ASAP1: variants seen among roughly 807,000 people sequenced by gnomAD.
ASAP1 encodes the protein ArfGAP with SH3 domain, ankyrin repeat and PH domain 1.
ASAP1 carries 43 observed loss-of-function variants against 145.2 expected under a neutral mutation model. The observed-to-expected ratio is 0.30, with a 90% CI of 0.23 to 0.38. The LOEUF (loss-of-function observed/expected upper bound fraction) is 0.38. ASAP1 is among the 10% of genes least tolerant of loss of function. ASAP1 has a pLI of 1.00. For missense variants in ASAP1, 1,018 were observed against 1,355.3 expected, an observed-to-expected ratio of 0.75 and a Z score of 3.91; for synonymous variants, 546 against 515.5, an observed-to-expected ratio of 1.06 and a Z score of -0.80.
chr8:130,136,407 T>C (rs1465459732), intron 14 of ASAP1, among the ~76,000 whole-genome samples: 2 of 152,128 alleles, frequency 1.3e-5, no homozygotes, highest in Non-Finnish European at 2.9e-5. Context: ...CAGTTCTGCT[T>C]GGAAGCAAGG....
chr8:130,099,700 T>TTTTTTTTG (rs35874860), intron 24 of ASAP1, among the ~76,000 whole-genome samples: 1 of 125,124 alleles, frequency 8.0e-6, no homozygotes, highest in Non-Finnish European at 1.6e-5. Flanking sequence ...TTTTTTTTTT[T>TTTTTTTTG]GAGACAGAGT....
At chr8:130,126,587 T>C (rs2097575332) in intron 16 of ASAP1, among the ~76,000 whole-genome samples, 1 of 152,220 alleles carries the variant, frequency 6.6e-6, no homozygotes, top group Non-Finnish European at 1.5e-5. Flanking sequence ...TAAGGCCTTT[T>C]TTCTACAACC....
At chr8:130,360,067 A>T (rs999839696) in intron 2 of ASAP1, among the ~76,000 whole-genome samples, 2 of 152,196 alleles carry the variant, frequency 1.3e-5, no homozygotes, top group Non-Finnish European at 2.9e-5. Context: ...CACCTCATTA[A>T]CTCTCAAATA....
chr8:130,435,907 C>T (rs1830295393), intron 1 of ASAP1, among the ~76,000 whole-genome samples: 1 of 152,166 alleles, frequency 6.6e-6, no homozygotes, highest in South Asian at 2.1e-4. Flanking sequence ...CCCATAGAAA[C>T]TTTTCCAGGA....
At chr8:130,443,159 C>G (rs1252008370) in intron 1 of ASAP1, among the ~76,000 whole-genome samples, 1 of 152,028 alleles carries the variant, frequency 6.6e-6, no homozygotes, top group Non-Finnish European at 1.5e-5. Context: ...CAGGGCGGGC[C>G]CCGTCCCCGG....
chr8:130,065,079 T>C (rs2097427854), intron 27 of ASAP1, among the ~76,000 whole-genome samples: 2 of 152,092 alleles, frequency 1.3e-5, no homozygotes, highest in Admixed American at 6.5e-5. Context: ...CAAGGTCTCA[T>C]TATGTTACCC....
At chr8:130,394,814 A>G (rs187661248) in intron 2 of ASAP1, among the ~76,000 whole-genome samples, 39 of 152,318 alleles carry the variant, frequency 2.6e-4, no homozygotes, top group Non-Finnish European at 4.4e-4. Context: ...AGGTTCCCTG[A>G]TAACTCTGTC....
chr8:130,273,221 G>C (rs1157687259), intron 3 of ASAP1, among the ~76,000 whole-genome samples: 5 of 152,020 alleles, frequency 3.3e-5, no homozygotes, highest in Non-Finnish European at 5.9e-5. Flanking sequence ...TTTTTTAAAG[G>C]CTAGTTTTAG....
chr8:130,402,960 C>T (rs995834404), intron 1 of ASAP1, among the ~76,000 whole-genome samples: 6 of 150,890 alleles, frequency 4.0e-5, no homozygotes, highest in African/African-American at 1.5e-4. Context: ...GAATTGTGTA[C>T]AGACATAAAA....
intron 7 of ASAP1, among the ~76,000 whole-genome samples, chr8:130,181,651 A>G (rs1213606383): frequency 2.0e-5 from 3 of 152,130 alleles, no homozygotes; most frequent in Admixed American, 6.5e-5. Context: ...TCCTATCACA[A>G]TGTTCTTCTG....
intron 25 of ASAP1, among the ~76,000 whole-genome samples, chr8:130,087,577 A>C (rs1264498579): frequency 2.0e-5 from 3 of 152,092 alleles, no homozygotes; most frequent in African/African-American, 7.2e-5. Flanking sequence ...GAAAGAGGCT[A>C]ATGTGCTGCA....
At chr8:130,339,316 C>T (rs1025969231) in intron 3 of ASAP1, among the ~76,000 whole-genome samples, 25 of 152,128 alleles carry the variant, frequency 1.6e-4, no homozygotes, top group African/African-American at 4.6e-4. Flanking sequence ...AAATTTAAGA[C>T]GCTGGAAACT....
At chr8:130,126,258 T>G (rs2097574797) in intron 16 of ASAP1, among the ~76,000 whole-genome samples, 169 bp from the exon 17 acceptor site, 1 of 152,230 alleles carries the variant, frequency 6.6e-6, no homozygotes, top group South Asian at 2.1e-4. Flanking sequence ...CATAAAAGTT[T>G]CCCTTTGATA....
At chr8:130,068,614 T>C (rs921096227) in intron 27 of ASAP1, among the ~76,000 whole-genome samples, 5 of 152,194 alleles carry the variant, frequency 3.3e-5, no homozygotes, top group African/African-American at 1.2e-4. Context: ...ATTGAACAAC[T>C]GCATATGGGT....
chr8:130,205,885 G>C (rs983728335), intron 5 of ASAP1, among the ~76,000 whole-genome samples: 3 of 152,014 alleles, frequency 2.0e-5, no homozygotes, highest in Non-Finnish European at 2.9e-5. Context: ...CAAGGATTTT[G>C]GACCTGAATG....
At chr8:130,276,446 T>C (rs1820885101) in intron 3 of ASAP1, among the ~76,000 whole-genome samples, 1 of 152,184 alleles carries the variant, frequency 6.6e-6, no homozygotes, top group Admixed American at 6.5e-5. Flanking sequence ...TCTTCTACTG[T>C]AGCCAATCAT....
intron 2 of ASAP1, among the ~76,000 whole-genome samples, chr8:130,367,440 T>G (rs1004657925): frequency 6.6e-6 from 1 of 152,242 alleles, no homozygotes; most frequent in African/African-American, 2.4e-5. Context: ...ATGAGCACTT[T>G]TCAAAGCCAC....
intron 27 of ASAP1, among the ~76,000 whole-genome samples, chr8:130,064,113 G>C (rs1366477034): frequency 6.6e-6 from 1 of 152,180 alleles, no homozygotes; most frequent in African/African-American, 2.4e-5. Flanking sequence ...CCACCAGATG[G>C]TTCAGGACAG....
chr8:130,166,341 G>A (rs1015899366), intron 11 of ASAP1, among the ~76,000 whole-genome samples: 7 of 152,110 alleles, frequency 4.6e-5, no homozygotes, highest in African/African-American at 9.7e-5. Context: ...AAACAGGCAC[G>A]TTTTTAATTT....
Sources: gnomAD v4.1 joint callset for allele counts (sites outside exome capture counted in the v4.1 genomes callset) on GRCh38, gnomAD v4.1.1 for gene constraint, MANE v1.5 for transcripts, NCBI Gene and HGNC (gene_info 2026-07-23, HGNC 2026-07-21) for gene names.